KCNQ1: variants seen among roughly 807,000 people sequenced by gnomAD.
The protein encoded by KCNQ1 is potassium voltage-gated channel subfamily Q member 1, also known as potassium voltage-gated channel subfamily KQT member 1.
In KCNQ1, 49 loss-of-function variants were observed where a neutral mutation model predicts 72.4. The ratio of observed to expected loss-of-function variants is 0.68; its 90% CI spans 0.54 to 0.86. KCNQ1 has a LOEUF of 0.86. Ranked by LOEUF, KCNQ1 falls within the 40% of genes least tolerant of loss-of-function variation. The pLI, the probability that KCNQ1 is intolerant of heterozygous loss-of-function variation, is 0.00. For missense variants in KCNQ1, 790 were observed against 945.1 expected (o/e 0.84, Z 2.15); for synonymous variants, 450 against 412.6 (o/e 1.09, Z -1.10).
chr11:2,666,954 A>C (rs1375276836), intron 11 of KCNQ1: 2 of 398,616 alleles, frequency 5.0e-6, no homozygotes, highest in Non-Finnish European at 8.8e-6. Flanking sequence ...ACGAGATGCC[A>C]AGGAAGCCCT....
At position 2,826,919 on chromosome 11, in the gene KCNQ1, G is replaced by C. The variant is rs1013388718; in HGVS notation, c.1795-20848G>C. On this transcript the variant is annotated intron_variant, in intron 15 of 15. Transcript: ENST00000155840. The surrounding 1 kb of genome is among the most constrained non-coding windows in gnomAD (Gnocchi z 4.2). ...GGACAGGGAGGAAGAAAGCCAGGCAGGTGGCCCATGAGCCGTGGAGTAGGT... is the reference window on the plus strand; with the variant it reads ...GGACAGGGAGGAAGAAAGCCAGGCACGTGGCCCATGAGCCGTGGAGTAGGT... Among the ~76,000 whole-genome samples the C allele has an allele frequency of 6.6e-6, 1 of 152,242 alleles. No homozygotes were observed. The highest frequency in any genetic ancestry group is 2.4e-5 in the African/African-American group (1 of 41,476).
rs767336429 is a variant in KCNQ1 at position 2,592,037 on chromosome 11, G to A, written c.1393+3183G>A. Among the ~76,000 whole-genome samples, 25 of 151,522 alleles carry A rather than the reference G, an allele frequency of 1.6e-4. No homozygotes were observed. Among genetic ancestry groups the A allele is most frequent in the Admixed American group, 1.4e-3 (20 of 14,764 alleles). ...TACGAACAGCCACACTGAGTCCCCC[G>A]CAAAGTCAAACCCAGGCCTCGACCT... On this transcript the variant is annotated intron_variant, in intron 10 of 15. Transcript: ENST00000155840. The surrounding 1 kb of genome is among the most constrained non-coding windows in gnomAD (Gnocchi z 5.2).
In KCNQ1 at chr11:2,687,684, GGTTCAGT is replaced by G. The variant is rs1850514504; in HGVS notation, c.1514+25607_1514+25613del. 1.8e-5 allele frequency: 7 copies of G among 398,596 alleles called. No homozygotes were observed. Among genetic ancestry groups the G allele is most frequent in the Non-Finnish European group, 3.1e-5 (7 of 226,160 alleles). The allele number at this position is 398,596 out of a possible 1,614,324, so 24.7% of individuals were successfully genotyped here. On this transcript the variant is annotated intron_variant, in intron 11 of 15. Coordinates refer to ENST00000155840, the MANE Select transcript of KCNQ1 (RefSeq NM_000218.3). The surrounding 1 kb of genome is among the most constrained non-coding windows in gnomAD (Gnocchi z 5.0). ...GCCAGCCAGGTCTCAGGGAGCTCAG[GGTTCAGT>G]GTTGGAATGGGTCTGGGCCCAGATT...
chr11:2,496,992 T>C (rs7119560), intron 1 of KCNQ1, among the ~76,000 whole-genome samples: 84,140 of 151,900 alleles, frequency 0.55, 24,505 homozygotes, highest in Non-Finnish European at 0.65. Context: ...GAATATTGGC[T>C]CCCACTCTCT....
intron 5 of KCNQ1, 53 bp from the exon 6 acceptor site, chr11:2,572,793 A>G: frequency 6.2e-7 from 1 of 1,610,930 alleles, no homozygotes; most frequent in Non-Finnish European, 8.5e-7. Context: ...TCTGCACAGG[A>G]GGCTCCCAGC....
chr11:2,803,161 C>CCCCT lies in KCNQ1; in HGVS notation c.1794+25127_1794+25128insTCCC, dbSNP rs1554925304. ...CCCAGAAAACCCAGCCGGGCCCCCC[C>CCCCT]CCCCACGGGCACCCAGGAACCGCCC... On this transcript the variant is annotated intron_variant, in intron 15 of 15. Transcript: ENST00000155840. The surrounding 1 kb of genome is among the most constrained non-coding windows in gnomAD (Gnocchi z 6.4). Among the ~76,000 whole-genome samples, 157 of 150,802 alleles carry CCCCT rather than the reference C, an allele frequency of 1.0e-3. No individual in the cohort carries two copies. The highest frequency in any genetic ancestry group is 1.9e-3 in the Non-Finnish European group (132 of 67,900).
At chr11:2,448,149 G>C (rs1306872607) in intron 1 of KCNQ1, among the ~76,000 whole-genome samples, 3 of 152,256 alleles carry the variant, frequency 2.0e-5, no homozygotes, top group Non-Finnish European at 2.9e-5. Context: ...CTTGCTGTGA[G>C]CCTTAGCCAG....
rs1214286992 is a variant in KCNQ1, at chr11:2,471,657, G to GGT, written c.386+26179_386+26180dup. Among the ~76,000 whole-genome samples, 2 of 151,118 alleles carry GGT rather than the reference G, an allele frequency of 1.3e-5. No individual in the cohort carries two copies. The highest frequency in any genetic ancestry group is 4.9e-5 in the African/African-American group (2 of 41,006). On this transcript the variant is annotated intron_variant, in intron 1 of 15. Coordinates refer to ENST00000155840, the MANE Select transcript of KCNQ1 (RefSeq NM_000218.3). This position sits in a 1 kb window ranked among gnomAD's most constrained non-coding sequence, Gnocchi z 4.8. ...ACGGATGTGTGTACACATGTGTATG[G>GGT]GTGTGTGCATGGGTGTGCACATGTG...
At position 2,670,392 on chromosome 11, in the gene KCNQ1, A is replaced by T; in HGVS notation, c.1514+8311A>T. 2.5e-6 allele frequency: 1 copy of T among 398,258 alleles called. No individual in the cohort carries two copies. The highest frequency in any genetic ancestry group is 4.4e-6 in the Non-Finnish European group (1 of 226,026). The allele number at this position is 398,258 out of a possible 1,614,324, so 24.7% of individuals were successfully genotyped here. ...CTGAAATTCCAAGAGCATTAACCAG[A>T]CACCTACTATGTGTATTTCTTGTGT... On this transcript the variant is annotated intron_variant, in intron 11 of 15. Transcript: ENST00000155840. This position sits in a 1 kb window ranked among gnomAD's most constrained non-coding sequence, Gnocchi z 4.9.
Position 2,710,990 on chromosome 11 carries a change from C to G in KCNQ1, c.1514+48909C>G, listed in dbSNP as rs1435133713. Among the ~76,000 whole-genome samples, 2 of 152,148 alleles carry G rather than the reference C, an allele frequency of 1.3e-5. No homozygotes were observed. The highest frequency in any genetic ancestry group is 2.9e-5 in the Non-Finnish European group (2 of 68,028). Reference sequence around the variant, plus strand: ...TGAATTTCCATATGAATTTTACAATCAGCTTGTCAATTTCTGCAAAGAAAC... The same window carrying G: ...TGAATTTCCATATGAATTTTACAATGAGCTTGTCAATTTCTGCAAAGAAAC... On this transcript the variant is annotated intron_variant, in intron 11 of 15. Transcript: ENST00000155840. The surrounding 1 kb of genome is among the most constrained non-coding windows in gnomAD (Gnocchi z 4.1).
rs58498265 is a variant in KCNQ1, at chr11:2,494,960, G to C, written c.387-32968G>C. 6.6e-6 allele frequency among the ~76,000 whole-genome samples: 1 copy of C among 152,116 alleles called. No homozygotes were observed. Among genetic ancestry groups the C allele is most frequent in the Non-Finnish European group, 1.5e-5 (1 of 68,040 alleles). On this transcript the variant is annotated intron_variant, in intron 1 of 15. Transcript: ENST00000155840. This position sits in a 1 kb window ranked among gnomAD's most constrained non-coding sequence, Gnocchi z 4.6. The stretch of plus-strand genomic sequence containing the variant: ...TCTGGTAGAATTTGGGTGTGAATCC[G>C]TCTGGTCCTGGGCTTTTTTTGGTTG...
intron 10 of KCNQ1, chr11:2,648,791 T>C (rs1328648098): frequency 2.5e-6 from 1 of 398,398 alleles, no homozygotes; most frequent in Non-Finnish European, 4.4e-6. Flanking sequence ...AATTGTCCAA[T>C]GCTGAGTATG....
Position 2,683,114 on chromosome 11 carries a change from C to G in KCNQ1, c.1514+21033C>G, listed in dbSNP as rs530865565. 5.6e-6 allele frequency: 2 copies of G among 356,898 alleles called. No homozygotes were observed. Among genetic ancestry groups the G allele is most frequent in the South Asian group, 2.0e-4 (1 of 5,028 alleles). The allele number at this position is 356,898 out of a possible 1,614,324, so 22.1% of individuals were successfully genotyped here. A position where few individuals can be genotyped will look rare whatever the true frequency, so the allele number is the denominator to read the frequency against. Reference sequence around the variant, plus strand: ...AGATTTTCTTGTTCCCAGGATATATCGCACCAACTCAGGAGGGTGTGGGGA... The same window carrying G: ...AGATTTTCTTGTTCCCAGGATATATGGCACCAACTCAGGAGGGTGTGGGGA... On this transcript the variant is annotated intron_variant, in intron 11 of 15. Coordinates refer to ENST00000155840, the MANE Select transcript of KCNQ1 (RefSeq NM_000218.3). The surrounding 1 kb of genome is among the most constrained non-coding windows in gnomAD (Gnocchi z 4.7).
At position 2,492,042 on chromosome 11, in the gene KCNQ1, T is replaced by C. The variant is rs1846844188; in HGVS notation, c.387-35886T>C. Among the ~76,000 whole-genome samples, 1 of 152,192 alleles carries C rather than the reference T, an allele frequency of 6.6e-6. No homozygotes were observed. Among genetic ancestry groups the C allele is most frequent in the Non-Finnish European group, 1.5e-5 (1 of 68,036 alleles). On this transcript the variant is annotated intron_variant, in intron 1 of 15. Transcript: ENST00000155840. The surrounding 1 kb of genome is among the most constrained non-coding windows in gnomAD (Gnocchi z 4.1). ...CCCAGACAAACAAAAGCTGAGGATG[T>C]CATCAACACCAGAGCTGTCTTACAA...
At chr11:2,773,306 A>G (rs1258437857) in intron 12 of KCNQ1, among the ~76,000 whole-genome samples, 1 of 151,572 alleles carries the variant, frequency 6.6e-6, no homozygotes, top group Non-Finnish European at 1.5e-5. Flanking sequence ...GAAAGGAGAA[A>G]CAGAGCTCAG....
At position 2,664,444 on chromosome 11, in the gene KCNQ1, T is replaced by G. The variant is rs1564850325; in HGVS notation, c.1514+2363T>G. The G allele has an allele frequency of 1.8e-5, 7 of 398,528 alleles. No individual in the cohort carries two copies. Among genetic ancestry groups the G allele is most frequent in the Non-Finnish European group, 2.7e-5 (6 of 226,120 alleles). 24.7% of individuals were successfully genotyped at this position (398,528 alleles called of 1,614,324 possible). ...GTCAGGGCCTAGGAACCCAGGCTCCTCTGGGATACAGGCTGGGTAGAGGCC... is the reference window on the plus strand; with the variant it reads ...GTCAGGGCCTAGGAACCCAGGCTCCGCTGGGATACAGGCTGGGTAGAGGCC... On this transcript the variant is annotated intron_variant, in intron 11 of 15. Coordinates refer to ENST00000155840, the MANE Select transcript of KCNQ1 (RefSeq NM_000218.3). This position sits in a 1 kb window ranked among gnomAD's most constrained non-coding sequence, Gnocchi z 5.1.
chr11:2,778,084 G>T, intron 15 of KCNQ1, 47 bp downstream of exon 15: 1 of 1,571,778 alleles, frequency 6.4e-7, no homozygotes, highest in Non-Finnish European at 8.7e-7. Flanking sequence ...GCGTCCTGGG[G>T]CCAGCAGGCA....
intron 11 of KCNQ1, chr11:2,699,297 A>C: frequency 2.5e-6 from 1 of 399,024 alleles, no homozygotes; most frequent in Non-Finnish European, 4.4e-6. Flanking sequence ...GACGCCTGTG[A>C]TCTGGGACGG....
chr11:2,561,095 G>A lies in KCNQ1; in HGVS notation c.478-9533G>A, dbSNP rs1227362663. 4.0e-5 allele frequency among the ~76,000 whole-genome samples: 6 copies of A among 151,674 alleles called. No homozygotes were observed. In the East Asian group the frequency reaches 5.8e-4, roughly 15 times the overall value. On this transcript the variant is annotated intron_variant, in intron 2 of 15. Coordinates refer to ENST00000155840, the MANE Select transcript of KCNQ1 (RefSeq NM_000218.3). ...CGGGCGCCTGTAGTCCCAGCTACTC[G>A]GGAGGCTGAGGCAGTAGAATGGTGT...
Sources: gnomAD v4.1 joint callset for allele counts (sites outside exome capture counted in the v4.1 genomes callset) on GRCh38, gnomAD v4.1.1 for gene constraint, Gnocchi (gnomAD v3.1) non-coding constraint, MANE v1.5 for transcripts, NCBI Gene and HGNC (gene_info 2026-07-23, HGNC 2026-07-21) for gene names.